The following DNAJC11 variants were observed in gnomAD, a reference collection of about 807,000 sequenced individuals.
DNAJC11 encodes dnaJ homolog subfamily C member 11.
In DNAJC11, 15 loss-of-function variants were observed where a neutral mutation model predicts 78.6. That is an observed-to-expected ratio of 0.19 (90% CI 0.13 to 0.29). The LOEUF is 0.29. Ranked by LOEUF, DNAJC11 falls within the 10% of genes least tolerant of loss-of-function variation. DNAJC11 has a pLI of 1.00. For synonymous variants in DNAJC11, 292 were observed against 272.1 expected, an observed-to-expected ratio of 1.07 and a Z score of -0.72; for missense variants, 547 against 709.6, an observed-to-expected ratio of 0.77 and a Z score of 2.60.
At chr1:6,678,355 A>T in intron 3 of DNAJC11, 39 bp downstream of exon 3, 1 of 1,580,290 alleles carries the variant, frequency 6.3e-7, no homozygotes. Flanking sequence ...TAACTGTTTA[A>T]TGACTTTTCT....
intron 3 of DNAJC11, among the ~76,000 whole-genome samples, chr1:6,677,230 C>T (rs1357894921): frequency 6.6e-6 from 1 of 150,398 alleles, no homozygotes; most frequent in African/African-American, 2.4e-5. Context: ...AAATATAACT[C>T]AACGAGGGTC....
chr1:6,657,264 C>T (rs1024581149), intron 4 of DNAJC11, among the ~76,000 whole-genome samples: 3 of 152,154 alleles, frequency 2.0e-5, no homozygotes, highest in African/African-American at 4.8e-5. Context: ...CTAGCTAATA[C>T]GTATTAAGTC....
chr1:6,697,803 C>A (rs1168583870), intron 1 of DNAJC11, among the ~76,000 whole-genome samples: 1 of 136,222 alleles, frequency 7.3e-6, no homozygotes, highest in African/African-American at 2.6e-5. Context: ...CTCTATTATG[C>A]TTATAATTTT....
At chr1:6,701,413 C>T (rs1409944606) in intron 1 of DNAJC11, among the ~76,000 whole-genome samples, 2 of 152,340 alleles carry the variant, frequency 1.3e-5, no homozygotes, top group East Asian at 3.9e-4. Flanking sequence ...ACTGCTAACC[C>T]CACTACGGTG....
In DNAJC11 at chr1:6,634,590, C is replaced by G. The variant is rs764201137; in HGVS notation, c.*1085G>C. On this transcript the variant is annotated 3_prime_UTR_variant, in exon 16 of 16. Coordinates refer to ENST00000377577, the MANE Select transcript of DNAJC11 (RefSeq NM_018198.4). ...CAAGAGCAACTGATGGCTGCCACTT[C>G]CAGGCCCCGAGAGACAGGCCTCACG... 4 of 1,366,124 alleles carry G rather than the reference C, an allele frequency of 2.9e-6. No individual in the cohort carries two copies. The highest frequency in any genetic ancestry group is 2.1e-4 in the Middle Eastern group (1 of 4,762). 84.6% of individuals were successfully genotyped at this position (1,366,124 alleles called of 1,614,324 possible).
At chr1:6,688,586 G>A (rs76927366) in intron 1 of DNAJC11, among the ~76,000 whole-genome samples, 123 of 152,100 alleles carry the variant, frequency 8.1e-4, no homozygotes, top group African/African-American at 2.9e-3. Flanking sequence ...TGATTTAACT[G>A]AACAATATAA....
At chr1:6,660,306 G>A (rs922609412) in intron 4 of DNAJC11, among the ~76,000 whole-genome samples, 3 of 151,630 alleles carry the variant, frequency 2.0e-5, no homozygotes, top group African/African-American at 7.2e-5. Flanking sequence ...ACAGGAGCAC[G>A]TCACCAAGCC....
chr1:6,653,092 G>A lies in DNAJC11; in HGVS notation c.508-141C>T. 1.1e-6 allele frequency: 1 copy of A among 932,438 alleles called. No homozygotes were observed. The highest frequency in any genetic ancestry group is 2.8e-4 in the Middle Eastern group (1 of 3,598). The allele number at this position is 932,438 out of a possible 1,614,324, so 57.8% of individuals were successfully genotyped here. A position where few individuals can be genotyped will look rare whatever the true frequency, so the allele number is the denominator to read the frequency against. ...CAGAAGCACACATGGATGCAGAACT[G>A]CCGCAACAGCTTCACTTTTCTTCCG... On this transcript the variant is annotated intron_variant, in intron 5 of 15. Coordinates refer to ENST00000377577, the MANE Select transcript of DNAJC11 (RefSeq NM_018198.4). The surrounding 1 kb of genome is among the most constrained non-coding windows in gnomAD (Gnocchi z 4.5).
chr1:6,697,296 T>C (rs955731455), intron 1 of DNAJC11, among the ~76,000 whole-genome samples: 7 of 152,206 alleles, frequency 4.6e-5, no homozygotes, highest in African/African-American at 1.7e-4. Flanking sequence ...AGCTGCCTGC[T>C]TCACTCTCTC....
chr1:6,688,007 T>C (rs760327991), intron 1 of DNAJC11, among the ~76,000 whole-genome samples: 1 of 152,174 alleles, frequency 6.6e-6, no homozygotes, highest in Non-Finnish European at 1.5e-5. Context: ...CAAAAAAATA[T>C]ATCTGATCCA....
chr1:6,662,596 T>C (rs553691692), intron 4 of DNAJC11, among the ~76,000 whole-genome samples: 2 of 152,254 alleles, frequency 1.3e-5, no homozygotes, highest in South Asian at 2.1e-4. Flanking sequence ...GTTGTAAATG[T>C]ACCAATCAGC....
chr1:6,667,874 A>G, intron 3 of DNAJC11, 64 bp from the exon 4 acceptor site: 1 of 1,476,164 alleles, frequency 6.8e-7, no homozygotes. Flanking sequence ...ACGTACACAA[A>G]GAGCTGCAGC....
chr1:6,686,581 A>G (rs1642660336), intron 1 of DNAJC11, among the ~76,000 whole-genome samples: 1 of 152,204 alleles, frequency 6.6e-6, no homozygotes. Flanking sequence ...GCTTGGACCT[A>G]GAAGTGACAC....
intron 4 of DNAJC11, among the ~76,000 whole-genome samples, chr1:6,660,748 T>A (rs1022595247): frequency 2.0e-5 from 3 of 152,238 alleles, no homozygotes; most frequent in Non-Finnish European, 4.4e-5. Flanking sequence ...TTAAATGTTA[T>A]TTTGCAGTTT....
At chr1:6,698,299 A>C (rs1335023950) in intron 1 of DNAJC11, among the ~76,000 whole-genome samples, 1 of 152,230 alleles carries the variant, frequency 6.6e-6, no homozygotes, top group Non-Finnish European at 1.5e-5. Flanking sequence ...GCAAACACAC[A>C]AACAGGTATT....
At chr1:6,690,701 G>C (rs1642731298) in intron 1 of DNAJC11, among the ~76,000 whole-genome samples, 1 of 151,994 alleles carries the variant, frequency 6.6e-6, no homozygotes, top group Admixed American at 6.6e-5. Context: ...GAGGTGGGCG[G>C]ATCACGAGGT....
At chr1:6,681,370 A>T (rs1028616347) in intron 1 of DNAJC11, among the ~76,000 whole-genome samples, 1 of 152,230 alleles carries the variant, frequency 6.6e-6, no homozygotes, top group Admixed American at 6.5e-5. Context: ...TATTTGAAGT[A>T]AATCATGCCA....
intron 10 of DNAJC11, among the ~76,000 whole-genome samples, chr1:6,644,239 T>G (rs1641930979): frequency 6.6e-6 from 1 of 152,164 alleles, no homozygotes; most frequent in Non-Finnish European, 1.5e-5. Context: ...GTTCAAGCAA[T>G]TCTCCTGCCT....
In DNAJC11 at chr1:6,678,033, T is replaced by C. The variant is rs114719797; in HGVS notation, c.276+361A>G. ...CAGAACTGTGGAGGGTGGAAGGGAG[T>C]GTATATGGAGACAGAACTGCACCCT... On this transcript the variant is annotated intron_variant, in intron 3 of 15. Transcript: ENST00000377577. Among the ~76,000 whole-genome samples, 566 of 151,538 alleles carry C rather than the reference T, an allele frequency of 3.7e-3. 5 individuals are homozygous for C. Among genetic ancestry groups the C allele is most frequent in the African/African-American group, 0.012 (486 of 41,214 alleles).
Sources: allele counts gnomAD v4.1 joint callset (sites outside exome capture counted in the v4.1 genomes callset), GRCh38; gene constraint gnomAD v4.1.1; non-coding constraint Gnocchi (gnomAD v3.1); transcripts MANE v1.5; gene names NCBI Gene and HGNC (gene_info 2026-07-23, HGNC 2026-07-21).